Variants in GBX2 observed in about 807,000 individuals in gnomAD.
GBX2 encodes the protein gastrulation brain homeobox 2.
GBX2 carries 5 observed loss-of-function variants against 22.4 expected under a neutral mutation model. The ratio of observed to expected loss-of-function variants is 0.22; its 90% CI spans 0.12 to 0.47. The LOEUF (loss-of-function observed/expected upper bound fraction) is 0.47. Among genes scored for constraint, GBX2 ranks in the 20% least tolerant of loss-of-function variants. The pLI is 0.99. For synonymous variants in GBX2, 220 were observed against 230.5 expected (o/e 0.95, Z 0.41); for missense variants, 470 against 495.4 (o/e 0.95, Z 0.49).
intron 1 of GBX2, chr2:236,167,130 C>T (rs1379629250): frequency 6.5e-7 from 1 of 1,535,402 alleles, no homozygotes; most frequent in Non-Finnish European, 8.7e-7. Flanking sequence ...CTAGAGGCTG[C>T]AACCTACCCG....
rs1322110531 is a variant in GBX2, at chr2:236,166,739, G to A, written c.524-302C>T. 1.3e-5 allele frequency among the ~76,000 whole-genome samples: 2 copies of A among 152,086 alleles called. No homozygotes were observed. Among genetic ancestry groups the A allele is most frequent in the African/African-American group, 2.4e-5 (1 of 41,426 alleles). On this transcript the variant is annotated intron_variant, in intron 1 of 1. Coordinates refer to ENST00000306318, the MANE Select transcript of GBX2 (RefSeq NM_001485.4). The surrounding 1 kb of genome is among the most constrained non-coding windows in gnomAD (Gnocchi z 6.6). The stretch of plus-strand genomic sequence containing the variant: ...AGCCTCGGCAGCGTCAGGAGAAGTA[G>A]CAGGAGGCGCGAGGCCCAAGAGATT...
In GBX2 at chr2:236,165,986, G is replaced by A. The variant is rs2060237019; in HGVS notation, c.975C>T (p.Val325=). The change falls in exon 2 of 2, where the codon GTC becomes GTT. Residue 325 remains valine (V), a synonymous_variant. Coordinates refer to ENST00000306318, the MANE Select transcript of GBX2 (RefSeq NM_001485.4). The part of the protein sequence containing the change: ...GEPSRNPKIV[V]PIPVHVSRFA... ...ACCTGCTGACGTGGACAGGGATGGG[G>A]ACGACGATCTTAGGGTTCCGGGAGG... 2.5e-6 allele frequency: 4 copies of A among 1,614,072 alleles called. No individual in the cohort carries two copies. The highest frequency in any genetic ancestry group is 1.3e-5 in the African/African-American group (1 of 74,932).
At chr2:236,167,250 C>G in intron 1 of GBX2, 199 bp downstream of exon 1, 1 of 1,464,600 alleles carries the variant, frequency 6.8e-7, no homozygotes, top group Non-Finnish European at 9.2e-7. Flanking sequence ...CGCCCCCCCT[C>G]CCGAGACCCC....
At chr2:236,164,755 T>C (rs1456087527), downstream of GBX2, among the ~76,000 whole-genome samples, 3 of 152,060 alleles carry the variant, frequency 2.0e-5, no homozygotes, top group Non-Finnish European at 4.4e-5. Flanking sequence ...TTTGCTCCTG[T>C]CGCCAGATAA....
chr2:236,167,586 G>A lies in GBX2; in HGVS notation c.386C>T (p.Pro129Leu). Reference protein sequence around the residue: ...QEAAAARKFAPQPLPGGGNFD... With the variant: ...QEAAAARKFALQPLPGGGNFD... ...GTTACCGCCGCCGGGCAGCGGCTGC[G>A]GCGCGAACTTGCGGGCCGCTGCCGC... The change falls in exon 1 of 2, where the codon CCG (proline) becomes CTG (leucine). Residue 129 changes from proline (P) to leucine (L), a missense_variant. Physicochemically the swap from Pro to Leu is moderately conservative, Grantham distance 98. This residue lies in a region of GBX2 where 377 missense variants were observed against 358.6 expected (regional missense o/e 1.05). Coordinates refer to ENST00000306318, the MANE Select transcript of GBX2 (RefSeq NM_001485.4). 6.3e-7 allele frequency: 1 copy of A among 1,597,328 alleles called. No individual in the cohort carries two copies. Among genetic ancestry groups the A allele is most frequent in the African/African-American group, 1.4e-5 (1 of 74,010 alleles).
At position 236,166,993 on chromosome 2, in the gene GBX2, C is replaced by T; in HGVS notation, c.523+456G>A. On this transcript the variant is annotated intron_variant, in intron 1 of 1. Coordinates refer to ENST00000306318, the MANE Select transcript of GBX2 (RefSeq NM_001485.4). The surrounding 1 kb of genome is among the most constrained non-coding windows in gnomAD (Gnocchi z 6.6). ...TCCCACCAGACACCCCCAACACAAA[C>T]ACACAGGCACAGCCTCCCAGCAGTC... 1.4e-6 allele frequency: 1 copy of T among 740,406 alleles called. No homozygotes were observed. Among genetic ancestry groups the T allele is most frequent in the Non-Finnish European group, 2.3e-6 (1 of 438,908 alleles). The allele number at this position is 740,406 out of a possible 1,614,324, so 45.9% of individuals were successfully genotyped here.
At chr2:236,162,981 A>C (rs919963945), downstream of GBX2, among the ~76,000 whole-genome samples, 1 of 152,194 alleles carries the variant, frequency 6.6e-6, no homozygotes, top group Non-Finnish European at 1.5e-5. Context: ...ACGGGATGGA[A>C]TAAAAAGCTG....
At chr2:236,162,197 GCTGAAGGCCAGACGCACAGACAGC>G, downstream of GBX2, among the ~76,000 whole-genome samples, 1 of 152,330 alleles carries the variant, frequency 6.6e-6, no homozygotes, top group East Asian at 1.9e-4. Flanking sequence ...AAGCACCTAG[GCTGAAGGCCAGACGCACAGACAGC>G]CATAGAGTCA....
Position 236,167,546 on chromosome 2 carries a change from C to A in GBX2, c.426G>T (p.Glu142Asp). The change falls in exon 1 of 2, where the codon GAG becomes GAT. Residue 142 changes from glutamate to aspartate, a missense_variant. By Grantham distance (45) the Glu-to-Asp change is conservative. This residue lies in a region of GBX2 where 377 missense variants were observed against 358.6 expected (regional missense o/e 1.05). Coordinates refer to ENST00000306318, the MANE Select transcript of GBX2 (RefSeq NM_001485.4). Reference protein sequence around the residue: ...LPGGGNFDKAEALQADAEDGK... With the variant: ...LPGGGNFDKADALQADAEDGK... ...CGTCCTCCGCGTCAGCCTGCAGCGC[C>A]TCCGCCTTGTCGAAGTTACCGCCGC... 1 of 1,599,592 alleles carries A rather than the reference C, an allele frequency of 6.3e-7. No individual in the cohort carries two copies. Among genetic ancestry groups the A allele is most frequent in the Non-Finnish European group, 8.5e-7 (1 of 1,175,700 alleles).
chr2:236,166,385 C>G lies in GBX2; in HGVS notation c.576G>C (p.Pro192=). The G allele has an allele frequency of 6.2e-7, 1 of 1,614,028 alleles. No individual in the cohort carries two copies. The change falls in exon 2 of 2, where the codon CCG becomes CCC. Residue 192 remains proline, a synonymous_variant. Transcript: ENST00000306318. This position sits in a 1 kb window ranked among gnomAD's most constrained non-coding sequence, Gnocchi z 6.6. Reference sequence around the variant, plus strand: ...GCGAGAAGCTCTCCTCCTTGCCCTTCGGGTCGTCTTCCACCTTTGACTCGT... The same window carrying G: ...GCGAGAAGCTCTCCTCCTTGCCCTTGGGGTCGTCTTCCACCTTTGACTCGT... ...GKDESKVEDD[P]KGKEESFSLE...
In GBX2 at chr2:236,167,910, G is replaced by T. The variant is rs1449414111; in HGVS notation, c.62C>A (p.Ala21Asp). 6.4e-7 allele frequency: 1 copy of T among 1,562,026 alleles called. No individual in the cohort carries two copies. Among genetic ancestry groups the T allele is most frequent in the Non-Finnish European group, 8.6e-7 (1 of 1,156,930 alleles). The change falls in exon 1 of 2, where the codon GCC (alanine) becomes GAC (aspartate). Residue 21 changes from alanine (A) to aspartate (D), a missense_variant. Coordinates refer to ENST00000306318, the MANE Select transcript of GBX2 (RefSeq NM_001485.4). Reference protein sequence around the residue: ...MMQRPLGSSTAFSIDSLIGSP... With the variant: ...MMQRPLGSSTDFSIDSLIGSP... ...GCCGATCAGCGAGTCTATGCTGAAG[G>T]CGGTGCTACTCCCCAGCGGGCGCTG... is the stretch of plus-strand genomic sequence containing the variant.
chr2:236,167,400 C>A (rs2060246517), intron 1 of GBX2, 49 bp downstream of exon 1: 1 of 1,422,372 alleles, frequency 7.0e-7, no homozygotes. Flanking sequence ...CTGGCCCGCC[C>A]CCGCCTCCTC....
In GBX2 at chr2:236,165,890, C is replaced by A. The variant is rs370221571; in HGVS notation, c.*24G>T. 6 of 1,573,646 alleles carry A rather than the reference C, an allele frequency of 3.8e-6. No individual in the cohort carries two copies. The highest frequency in any genetic ancestry group is 5.2e-6 in the Non-Finnish European group (6 of 1,160,642). On this transcript the variant is annotated 3_prime_UTR_variant, in exon 2 of 2. Coordinates refer to ENST00000306318, the MANE Select transcript of GBX2 (RefSeq NM_001485.4). ...GTGCGGGGGCTTCTCCAGGTGGGTG[C>A]CAGGCCCTGGCCCTTCTGGACCCTC...
chr2:236,163,279 G>C (rs529411253), downstream of GBX2, among the ~76,000 whole-genome samples: 3 of 148,254 alleles, frequency 2.0e-5, no homozygotes, highest in South Asian at 6.2e-4. Context: ...GGAGGGAGGG[G>C]GTCAGCGCCC....
chr2:236,167,882 G>A lies in GBX2; in HGVS notation c.90C>T (p.Ser30=). ...TAFSIDSLIG[S]PPQPSPGHFV... is the part of the protein sequence containing the mutation. ...AATGGCCGGGGCTGGGCTGCGGCGGGCTGCCGATCAGCGAGTCTATGCTGA... is the reference window on the plus strand; with the variant it reads ...AATGGCCGGGGCTGGGCTGCGGCGGACTGCCGATCAGCGAGTCTATGCTGA... The change falls in exon 1 of 2, where the codon AGC becomes AGT. Residue 30 remains serine (S), a synonymous_variant. Transcript: ENST00000306318. 6.4e-7 allele frequency: 1 copy of A among 1,552,192 alleles called. No individual in the cohort carries two copies. Among genetic ancestry groups the A allele is most frequent in the Admixed American group, 1.9e-5 (1 of 53,014 alleles).
chr2:236,162,893 C>T (rs1181159183), downstream of GBX2, among the ~76,000 whole-genome samples: 1 of 152,230 alleles, frequency 6.6e-6, no homozygotes, highest in Non-Finnish European at 1.5e-5. Context: ...AGCTATTCTT[C>T]AGGCCCCCCC....
rs573353588 is a variant in GBX2, at chr2:236,165,323, T to C, written c.*591A>G. 2 of 152,470 alleles carry C rather than the reference T, an allele frequency of 1.3e-5. No individual in the cohort carries two copies. The highest frequency in any genetic ancestry group is 2.1e-4 in the South Asian group (1 of 4,814). 9.4% of individuals were successfully genotyped at this position (152,470 alleles called of 1,614,324 possible). ...ATAACTTATAAGAAAATAAGCTACA[T>C]TGAAATAAATTAACACAACGGAGAC... On this transcript the variant is annotated 3_prime_UTR_variant, in exon 2 of 2. Coordinates refer to ENST00000306318, the MANE Select transcript of GBX2 (RefSeq NM_001485.4).
At chr2:236,162,408 G>C (rs2060217047), downstream of GBX2, among the ~76,000 whole-genome samples, 1 of 152,256 alleles carries the variant, frequency 6.6e-6, no homozygotes, top group African/African-American at 2.4e-5. Context: ...GTTGGGATTT[G>C]AGCAGCTTCC....
chr2:236,161,868 C>G (rs1173090350), downstream of GBX2, among the ~76,000 whole-genome samples: 2 of 152,194 alleles, frequency 1.3e-5, no homozygotes, highest in African/African-American at 4.8e-5. Flanking sequence ...TGGGCTCCAG[C>G]CACTTGGGAC....
Sources: allele counts gnomAD v4.1 joint callset (sites outside exome capture counted in the v4.1 genomes callset), GRCh38; gene constraint gnomAD v4.1.1; regional missense constraint gnomAD v4.1.1; non-coding constraint Gnocchi (gnomAD v3.1); transcripts MANE v1.5; gene names NCBI Gene and HGNC (gene_info 2026-07-23, HGNC 2026-07-21).